Variants in ALPK1 observed in about 807,000 individuals in gnomAD.
ALPK1 encodes the protein alpha-protein kinase 1.
ALPK1 carries 110 observed loss-of-function variants against 120.6 expected under a neutral mutation model. The observed-to-expected ratio is 0.91, with a 90% CI of 0.78 to 1.07. ALPK1 has a LOEUF of 1.07. Ranked by LOEUF, ALPK1 falls within the 50% of genes least tolerant of loss-of-function variation. ALPK1 has a pLI of 0.00. For synonymous variants in ALPK1, 582 were observed against 560.3 expected (o/e 1.04, Z -0.55); for missense variants, 1,498 against 1,483.9 (o/e 1.01, Z -0.16).
chr4:112,320,801 T>C (rs1166765049), intron 2 of ALPK1, among the ~76,000 whole-genome samples: 1 of 152,144 alleles, frequency 6.6e-6, no homozygotes, highest in Non-Finnish European at 1.5e-5. Context: ...ATTAATCTCC[T>C]CTAGGTCTTC....
At chr4:112,399,047 G>T (rs1476479408) in intron 4 of ALPK1, among the ~76,000 whole-genome samples, 1 of 152,180 alleles carries the variant, frequency 6.6e-6, no homozygotes, top group East Asian at 1.9e-4. Context: ...TCCAACTTGG[G>T]CTATGGCGGG....
chr4:112,400,658 T>C (rs1363973818), intron 4 of ALPK1, among the ~76,000 whole-genome samples: 22 of 151,544 alleles, frequency 1.5e-4, no homozygotes, highest in Non-Finnish European at 4.4e-5. Context: ...GTAAATAACA[T>C]TGATTTTACC....
intron 11 of ALPK1, among the ~76,000 whole-genome samples, chr4:112,434,193 C>T (rs896937511): frequency 6.6e-6 from 1 of 152,178 alleles, no homozygotes; most frequent in Non-Finnish European, 1.5e-5. Flanking sequence ...GGAAGCAAGG[C>T]CCAAAATGGC....
intron 2 of ALPK1, among the ~76,000 whole-genome samples, chr4:112,365,825 A>T (rs932505995): frequency 5.9e-5 from 9 of 152,206 alleles, no homozygotes; most frequent in African/African-American, 2.2e-4. Context: ...GGCCATAGTC[A>T]CCAAAACAGC....
intron 2 of ALPK1, among the ~76,000 whole-genome samples, chr4:112,373,584 G>C (rs1731514559): frequency 1.3e-5 from 2 of 152,188 alleles, no homozygotes; most frequent in Admixed American, 1.3e-4. Flanking sequence ...ACAGAAGCAA[G>C]TATCACAATA....
At chr4:112,335,857 A>G (rs1407585026) in intron 2 of ALPK1, among the ~76,000 whole-genome samples, 2 of 152,176 alleles carry the variant, frequency 1.3e-5, no homozygotes, top group African/African-American at 4.8e-5. Flanking sequence ...TCACAGTTCA[A>G]CAGCTCTGAT....
chr4:112,299,685 A>G (rs545249923), intron 1 of ALPK1, among the ~76,000 whole-genome samples: 20 of 152,294 alleles, frequency 1.3e-4, no homozygotes, highest in African/African-American at 4.8e-4. Context: ...TTGACAATGC[A>G]ATCTGTTCAA....
At chr4:112,387,074 G>A (rs937824409) in intron 4 of ALPK1, among the ~76,000 whole-genome samples, 3 of 152,152 alleles carry the variant, frequency 2.0e-5, no homozygotes, top group Admixed American at 6.5e-5. Flanking sequence ...GGCATTTAGC[G>A]TTAGCTTCTG....
chr4:112,357,520 G>A, intron 2 of ALPK1: 1 of 889,442 alleles, frequency 1.1e-6, no homozygotes, highest in Admixed American at 2.0e-5. Flanking sequence ...GCGCAAGCTG[G>A]TCTGTCAGGG....
At chr4:112,346,238 T>C (rs930465411) in intron 2 of ALPK1, among the ~76,000 whole-genome samples, 29 of 152,320 alleles carry the variant, frequency 1.9e-4, no homozygotes, top group African/African-American at 6.3e-4. Context: ...TTTAATATCA[T>C]TTATTATATC....
intron 1 of ALPK1, among the ~76,000 whole-genome samples, chr4:112,300,509 A>G (rs560442252): frequency 1.3e-5 from 2 of 152,196 alleles, no homozygotes; most frequent in African/African-American, 4.8e-5. Context: ...TATTTGGCAT[A>G]CAAATAACCA....
At chr4:112,403,909 G>A (rs558958033) in intron 4 of ALPK1, among the ~76,000 whole-genome samples, 60 of 152,282 alleles carry the variant, frequency 3.9e-4, no homozygotes, top group South Asian at 1.2e-3. Context: ...AATATATGGC[G>A]TGTTCTTGAG....
At chr4:112,397,824 TA>T (rs11362434) in intron 4 of ALPK1, among the ~76,000 whole-genome samples, 22,905 of 152,008 alleles carry the variant, frequency 0.15, 2,408 homozygotes, top group African/African-American at 0.31. Flanking sequence ...AGCAGCTTCT[TA>T]AAATATATAT....
At chr4:112,438,724 C>A in intron 13 of ALPK1, 78 bp downstream of exon 13, 4 of 1,495,634 alleles carry the variant, frequency 2.7e-6, no homozygotes, top group Non-Finnish European at 3.7e-6. Context: ...TCTGGTTCCA[C>A]ATAATCAGGC....
intron 6 of ALPK1, 117 bp from the exon 7 acceptor site, chr4:112,425,547 GA>G: frequency 1.2e-6 from 1 of 810,540 alleles, no homozygotes; most frequent in South Asian, 1.6e-5. Flanking sequence ...TAAATGTAGA[GA>G]CGAGATTGTT....
At chr4:112,433,648 CAGA>C (rs1405857534) in intron 11 of ALPK1, among the ~76,000 whole-genome samples, 1 of 152,174 alleles carries the variant, frequency 6.6e-6, no homozygotes, top group Admixed American at 6.5e-5. Context: ...GGGAGGAAGA[CAGA>C]AGGAGATTCT....
At chr4:112,438,796 C>G in intron 13 of ALPK1, 150 bp downstream of exon 13, 2 of 858,910 alleles carry the variant, frequency 2.3e-6, no homozygotes, top group Non-Finnish European at 3.5e-6. Context: ...AGAAAGAACC[C>G]TAAAGATTTA....
chr4:112,415,410 T>A (rs1033417828), intron 5 of ALPK1, among the ~76,000 whole-genome samples: 1 of 151,938 alleles, frequency 6.6e-6, no homozygotes, highest in Non-Finnish European at 1.5e-5. Context: ...CCAAGGCGGG[T>A]GGATTACCTG....
At chr4:112,306,636 C>G (rs1438587672) in intron 1 of ALPK1, among the ~76,000 whole-genome samples, 1 of 151,912 alleles carries the variant, frequency 6.6e-6, no homozygotes, top group African/African-American at 2.4e-5. Context: ...TGATTCTTCT[C>G]TCTTTTTTTC....
Sources: allele counts gnomAD v4.1 joint callset (sites outside exome capture counted in the v4.1 genomes callset), GRCh38; gene constraint gnomAD v4.1.1; transcripts MANE v1.5; gene names NCBI Gene and HGNC (gene_info 2026-07-23, HGNC 2026-07-21).